PPFIA2: variants seen among roughly 807,000 people sequenced by gnomAD.
PPFIA2 encodes liprin-alpha-2.
A neutral mutation model predicts 175.5 loss-of-function variants in PPFIA2; 46 were observed. The observed-to-expected ratio is 0.26, with a 90% CI of 0.21 to 0.34. The LOEUF (loss-of-function observed/expected upper bound fraction) is 0.34. Ranked by LOEUF, PPFIA2 falls within the 10% of genes least tolerant of loss-of-function variation. The pLI, the probability that PPFIA2 is intolerant of heterozygous loss-of-function variation, is 1.00. For missense variants in PPFIA2, 1,179 were observed against 1,506.1 expected (o/e 0.78, Z 3.60); for synonymous variants, 568 against 511.4 (o/e 1.11, Z -1.49).
chr12:81,293,882 A>G (rs973404575), intron 24 of PPFIA2, among the ~76,000 whole-genome samples: 1 of 152,206 alleles, frequency 6.6e-6, no homozygotes, highest in African/African-American at 2.4e-5. Flanking sequence ...AAAATCATGG[A>G]ATGAATCTAA....
At chr12:81,390,289 T>C (rs1033392979) in intron 8 of PPFIA2, among the ~76,000 whole-genome samples, 4 of 152,042 alleles carry the variant, frequency 2.6e-5, no homozygotes, top group Non-Finnish European at 5.9e-5. Flanking sequence ...TCAGTTCTCT[T>C]GGATCGATTC....
chr12:81,449,141 G>T (rs2051909415), intron 5 of PPFIA2, among the ~76,000 whole-genome samples: 1 of 152,068 alleles, frequency 6.6e-6, no homozygotes, highest in Admixed American at 6.6e-5. Flanking sequence ...TTCTCAATGT[G>T]CATAAAGAAG....
At chr12:81,391,084 C>G (rs1381024474) in intron 8 of PPFIA2, among the ~76,000 whole-genome samples, 1 of 151,852 alleles carries the variant, frequency 6.6e-6, no homozygotes, top group African/African-American at 2.4e-5. Flanking sequence ...CAAGGCAATT[C>G]TATCAAGCAA....
chr12:81,516,211 A>G (rs1358421086), intron 4 of PPFIA2, among the ~76,000 whole-genome samples: 1 of 152,084 alleles, frequency 6.6e-6, no homozygotes, highest in African/African-American at 2.4e-5. Flanking sequence ...AGTTATTGTA[A>G]CTACCAGGAG....
chr12:81,368,338 G>A (rs2034128497), intron 13 of PPFIA2, among the ~76,000 whole-genome samples: 1 of 151,536 alleles, frequency 6.6e-6, no homozygotes, highest in South Asian at 2.1e-4. Context: ...TGGTGTGTAG[G>A]TATCAGTCAC....
At chr12:81,553,755 T>C (rs78899383) in intron 4 of PPFIA2, among the ~76,000 whole-genome samples, 14,907 of 151,990 alleles carry the variant, frequency 0.098, 889 homozygotes, top group Middle Eastern at 0.18. Flanking sequence ...TTGAGAGACT[T>C]TGGGTGAGAA....
At chr12:81,364,644 T>C (rs1433564645) in intron 14 of PPFIA2, among the ~76,000 whole-genome samples, 1 of 151,876 alleles carries the variant, frequency 6.6e-6, no homozygotes, top group African/African-American at 2.4e-5. Flanking sequence ...TTCTAATGGC[T>C]GTGAAATAGA....
intron 6 of PPFIA2, among the ~76,000 whole-genome samples, chr12:81,442,910 T>C (rs1439461428): frequency 8.4e-6 from 1 of 119,166 alleles, no homozygotes; most frequent in Non-Finnish European, 1.8e-5. Flanking sequence ...GTATTACTTG[T>C]TTATATATCT....
At chr12:81,460,622 C>A (rs567292114) in intron 4 of PPFIA2, among the ~76,000 whole-genome samples, 1 of 151,990 alleles carries the variant, frequency 6.6e-6, no homozygotes, top group Non-Finnish European at 1.5e-5. Context: ...GAGTTAACCA[C>A]CAAACATTTT....
intron 3 of PPFIA2, among the ~76,000 whole-genome samples, chr12:81,689,212 C>T (rs2074919729): frequency 2.6e-5 from 4 of 151,822 alleles, no homozygotes; most frequent in African/African-American, 9.7e-5. Context: ...AAGAAACATG[C>T]AGAAAAATTC....
At chr12:81,629,287 A>C (rs2063092107) in intron 4 of PPFIA2, among the ~76,000 whole-genome samples, 1 of 152,202 alleles carries the variant, frequency 6.6e-6, no homozygotes, top group Admixed American at 6.5e-5. Context: ...AAATGTAGGA[A>C]TCATTTAAAA....
At chr12:81,592,057 G>A (rs1313558526) in intron 4 of PPFIA2, among the ~76,000 whole-genome samples, 1 of 152,098 alleles carries the variant, frequency 6.6e-6, no homozygotes, top group Non-Finnish European at 1.5e-5. Context: ...CCCACCTCTT[G>A]TATCAGCATG....
intron 4 of PPFIA2, among the ~76,000 whole-genome samples, chr12:81,609,555 T>C (rs562838985): frequency 1.1e-4 from 17 of 152,336 alleles, no homozygotes; most frequent in South Asian, 4.1e-4. Flanking sequence ...TTAATTTTTA[T>C]TGGTGAAAAG....
At chr12:81,483,312 TATTA>T (rs1329785251) in intron 4 of PPFIA2, among the ~76,000 whole-genome samples, 1 of 152,148 alleles carries the variant, frequency 6.6e-6, no homozygotes, top group East Asian at 1.9e-4. Flanking sequence ...CCCAAATATC[TATTA>T]ACTAATGAAT....
chr12:81,624,757 T>C (rs1040007252), intron 4 of PPFIA2, among the ~76,000 whole-genome samples: 1 of 150,784 alleles, frequency 6.6e-6, no homozygotes, highest in Non-Finnish European at 1.5e-5. Context: ...GGTTCTCCCT[T>C]ATAAGTGGGA....
chr12:81,429,723 G>C (rs915366598), intron 7 of PPFIA2, among the ~76,000 whole-genome samples: 1 of 151,948 alleles, frequency 6.6e-6, no homozygotes, highest in Non-Finnish European at 1.5e-5. Context: ...CTCAATATTT[G>C]TATCTCTTCC....
intron 7 of PPFIA2, among the ~76,000 whole-genome samples, chr12:81,416,040 G>T (rs1232080844): frequency 6.6e-6 from 1 of 151,540 alleles, no homozygotes; most frequent in Non-Finnish European, 1.5e-5. Context: ...AAAGGCTACA[G>T]AATATACAAA....
At chr12:81,417,590 T>C (rs1410700831) in intron 7 of PPFIA2, among the ~76,000 whole-genome samples, 1 of 151,748 alleles carries the variant, frequency 6.6e-6, no homozygotes, top group Non-Finnish European at 1.5e-5. Flanking sequence ...GTTCCTTTCT[T>C]AGAAATAACA....
At chr12:81,543,619 A>T (rs1386753075) in intron 4 of PPFIA2, among the ~76,000 whole-genome samples, 1 of 152,150 alleles carries the variant, frequency 6.6e-6, no homozygotes, top group Non-Finnish European at 1.5e-5. Context: ...TTAAAGGTGG[A>T]CTGTCAATAG....
Sources: allele counts gnomAD v4.1 joint callset (sites outside exome capture counted in the v4.1 genomes callset), GRCh38; gene constraint gnomAD v4.1.1; transcripts MANE v1.5; gene names NCBI Gene and HGNC (gene_info 2026-07-23, HGNC 2026-07-21).